CCDC124: variants seen among roughly 807,000 people sequenced by gnomAD.
The protein encoded by CCDC124 is coiled-coil domain containing 124.
Under a neutral mutation model 19.8 loss-of-function variants are expected in CCDC124, and 9 were observed. The ratio of observed to expected loss-of-function variants is 0.45; its 90% confidence interval spans 0.27 to 0.79. The LOEUF (loss-of-function observed/expected upper bound fraction) is 0.79. Ranked by LOEUF, CCDC124 falls within the 30% of genes least tolerant of loss-of-function variation. CCDC124 has a pLI of 0.14. For synonymous variants in CCDC124, 126 were observed against 131.3 expected (o/e 0.96, Z 0.27); for missense variants, 285 against 319.0 (o/e 0.89, Z 0.81).
At chr19:17,943,479 G>A in intron 4 of CCDC124, 29 bp from the exon 5 acceptor site, 1 of 1,602,648 alleles carries the variant, frequency 6.2e-7, no homozygotes, top group Non-Finnish European at 8.5e-7. Context: ...CTGCGCCCAA[G>A]GCCCCCTGAC....
At chr19:17,933,889 C>T (rs925741725) in intron 1 of CCDC124, among the ~76,000 whole-genome samples, 1 of 152,220 alleles carries the variant, frequency 6.6e-6, no homozygotes, top group Non-Finnish European at 1.5e-5. Flanking sequence ...ACCTCTTTCC[C>T]CAGCATCGCA....
rs1157636381 is a variant in CCDC124 at position 17,942,242 on chromosome 19, C to T, written c.160-414C>T. On this transcript the variant is annotated intron_variant, in intron 2 of 4. Coordinates refer to ENST00000445755, the MANE Select transcript of CCDC124 (RefSeq NM_001136203.2). This position sits in a 1 kb window ranked among gnomAD's most constrained non-coding sequence, Gnocchi z 4.2. ...TGAACCCCTCCCTGGCCCCCAGAGGCTCCGCATGGCCCAGCCGTCTCCCTC... is the reference window on the plus strand; with the variant it reads ...TGAACCCCTCCCTGGCCCCCAGAGGTTCCGCATGGCCCAGCCGTCTCCCTC... Among the ~76,000 whole-genome samples the T allele has an allele frequency of 6.6e-6, 1 of 151,926 alleles. No homozygotes were observed. Among genetic ancestry groups the T allele is most frequent in the Non-Finnish European group, 1.5e-5 (1 of 67,946 alleles).
intron 1 of CCDC124, among the ~76,000 whole-genome samples, chr19:17,934,511 C>T (rs1462292213): frequency 3.3e-5 from 5 of 151,856 alleles, no homozygotes; most frequent in Non-Finnish European, 4.4e-5. Context: ...AAGGGCCAGG[C>T]GCAGTGGCTC....
At chr19:17,936,848 G>A (rs1599962726) in intron 2 of CCDC124, 5 of 329,414 alleles carry the variant, frequency 1.5e-5, no homozygotes, top group South Asian at 4.7e-5. Flanking sequence ...GCGTGGTGGC[G>A]CACACTTACA....
Position 17,943,563 on chromosome 19 carries a change from A to G in CCDC124, c.520A>G (p.Thr174Ala), listed in dbSNP as rs775660804. 1 of 1,612,738 alleles carries G rather than the reference A, an allele frequency of 6.2e-7. No individual in the cohort carries two copies. The highest frequency in any genetic ancestry group is 8.5e-7 in the Non-Finnish European group (1 of 1,179,944). Residue 174 changes from threonine to alanine, a missense_variant, in exon 5 of 5, where the codon ACA (threonine) becomes GCA (alanine). Coordinates refer to ENST00000445755, the MANE Select transcript of CCDC124 (RefSeq NM_001136203.2). ...AGAAAGACGCATGCGGGCAGCCTTC[A>G]CAGCCTTTGAGGAAGCCCAGCTGCC... ...HPERRMRAAF[T>A]AFEEAQLPRL... is the part of the protein sequence containing the mutation.
chr19:17,940,785 T>C (rs1361680680), intron 2 of CCDC124, among the ~76,000 whole-genome samples: 47 of 146,884 alleles, frequency 3.2e-4, no homozygotes. Flanking sequence ...CGGTAACTCA[T>C]TCCTGTAATC....
intron 2 of CCDC124, among the ~76,000 whole-genome samples, chr19:17,937,280 C>T (rs181495978): frequency 1.6e-4 from 24 of 152,212 alleles, no homozygotes; most frequent in African/African-American, 4.3e-4. Context: ...GACACTGTCT[C>T]GGAAAACAAA....
Position 17,942,188 on chromosome 19 carries a change from AGGCCTCCCAC to A in CCDC124, c.160-464_160-455del, listed in dbSNP as rs947433062. ...CCCTGCCCTAGCCTGAAACGGGTCC[AGGCCTCCCAC>A]GGCTCTTAGAATCCAACATGAACCC... On this transcript the variant is annotated intron_variant, in intron 2 of 4. Transcript: ENST00000445755. This position sits in a 1 kb window ranked among gnomAD's most constrained non-coding sequence, Gnocchi z 4.2. Among the ~76,000 whole-genome samples the A allele has an allele frequency of 1.3e-5, 2 of 152,154 alleles. No individual in the cohort carries two copies. Among genetic ancestry groups the A allele is most frequent in the African/African-American group, 4.8e-5 (2 of 41,420 alleles).
rs1180209893 is a variant in CCDC124 at position 17,942,536 on chromosome 19, C to T, written c.160-120C>T. 2 of 1,156,754 alleles carry T rather than the reference C, an allele frequency of 1.7e-6. No homozygotes were observed. The highest frequency in any genetic ancestry group is 5.1e-5 in the East Asian group (2 of 39,068). 71.7% of individuals were successfully genotyped at this position (1,156,754 alleles called of 1,614,324 possible). On this transcript the variant is annotated intron_variant, in intron 2 of 4. Transcript: ENST00000445755. This position sits in a 1 kb window ranked among gnomAD's most constrained non-coding sequence, Gnocchi z 4.2. ...GGGACCTATCTTGTTCCTGGTATGT[C>T]CCCTGCACCCAGCACAGAGCCTAAA... is the stretch of plus-strand genomic sequence containing the variant.
intron 2 of CCDC124, among the ~76,000 whole-genome samples, chr19:17,940,538 A>T (rs375568156): frequency 3.3e-5 from 5 of 152,052 alleles, no homozygotes; most frequent in East Asian, 3.9e-4. Flanking sequence ...AGGTCAAGGC[A>T]GGTGGATTAC....
chr19:17,943,180 T>C (rs2031225928), intron 3 of CCDC124, 81 bp from the exon 4 acceptor site: 2 of 1,178,292 alleles, frequency 1.7e-6, no homozygotes, highest in African/African-American at 1.5e-5. Flanking sequence ...TAGCTTCTCT[T>C]GCCAGTCTCT....
intron 2 of CCDC124, among the ~76,000 whole-genome samples, chr19:17,939,211 A>G (rs2031122773): frequency 6.6e-6 from 1 of 152,068 alleles, no homozygotes; most frequent in Non-Finnish European, 1.5e-5. Context: ...CCTGGCCAAC[A>G]TGGTGAAACC....
intron 2 of CCDC124, among the ~76,000 whole-genome samples, chr19:17,941,831 C>T (rs2031189212): frequency 6.6e-6 from 1 of 152,094 alleles, no homozygotes; most frequent in African/African-American, 2.4e-5. Flanking sequence ...TGGGGATCGT[C>T]CCTGGGAAGG....
intron 2 of CCDC124, among the ~76,000 whole-genome samples, chr19:17,937,654 G>A (rs2031094043): frequency 6.6e-6 from 1 of 152,100 alleles, no homozygotes; most frequent in Non-Finnish European, 1.5e-5. Flanking sequence ...CAGCAGTGCT[G>A]AGGCTGAGAA....
chr19:17,942,806 C>G lies in CCDC124; in HGVS notation c.310C>G (p.Leu104Val). 1 of 1,539,234 alleles carries G rather than the reference C, an allele frequency of 6.5e-7. No homozygotes were observed. Among genetic ancestry groups the G allele is most frequent in the South Asian group, 1.2e-5 (1 of 82,622 alleles). ...CACCCGGGCCCAGATCGAGGACACG[C>G]TGCGCCGAGACCATCAGCTCAGGGA... is the stretch of plus-strand genomic sequence containing the variant. ...KVTRAQIEDT[L>V]RRDHQLREAP... The change falls in exon 3 of 5, where the codon CTG becomes GTG. Residue 104 changes from leucine to valine, a missense_variant. Transcript: ENST00000445755. This position sits in a 1 kb window ranked among gnomAD's most constrained non-coding sequence, Gnocchi z 4.2.
chr19:17,943,241 T>TCGGGGGGGCCCCCCCCCCCC lies in CCDC124; in HGVS notation c.350-19_350-18insGGGGGGGCCCCCCCCCCCCC. On this transcript the variant is annotated intron_variant, in intron 3 of 4. Transcript: ENST00000445755. ...CTTTGCTTATCTCTCTCTGTCTCTG[T>TCGGGGGGGCCCCCCCCCCCC]CACCCACCCACCCGCCCAGCCGAGA... is the stretch of plus-strand genomic sequence containing the variant. The TCGGGGGGGCCCCCCCCCCCC allele has an allele frequency of 1.4e-6, 1 of 736,678 alleles. No individual in the cohort carries two copies. Among genetic ancestry groups the TCGGGGGGGCCCCCCCCCCCC allele is most frequent in the Non-Finnish European group, 2.4e-6 (1 of 414,970 alleles). 45.6% of individuals were successfully genotyped at this position (736,678 alleles called of 1,614,324 possible).
intron 2 of CCDC124, among the ~76,000 whole-genome samples, chr19:17,941,015 C>T (rs183953326): frequency 2.0e-5 from 3 of 152,124 alleles, no homozygotes; most frequent in African/African-American, 7.2e-5. Flanking sequence ...CCACTGCACT[C>T]CATCCTGGGC....
intron 2 of CCDC124, among the ~76,000 whole-genome samples, chr19:17,940,563 G>A (rs950617825): frequency 3.3e-5 from 5 of 151,854 alleles, no homozygotes; most frequent in Non-Finnish European, 5.9e-5. Context: ...TCAGGCGTTC[G>A]AGACCAGCCT....
chr19:17,943,803 A>C lies in CCDC124; in HGVS notation c.*88A>C. ...AGGCCAGGTCAGCTGCGAGGGTCAC[A>C]GAGCGTTCCGGGGGCCAAGGCGCCG... On this transcript the variant is annotated 3_prime_UTR_variant, in exon 5 of 5. Transcript: ENST00000445755. 7.3e-7 allele frequency: 1 copy of C among 1,369,000 alleles called. No individual in the cohort carries two copies. The highest frequency in any genetic ancestry group is 1.0e-6 in the Non-Finnish European group (1 of 987,792). 84.8% of individuals were successfully genotyped at this position (1,369,000 alleles called of 1,614,324 possible).
Sources: gnomAD v4.1 joint callset for allele counts (sites outside exome capture counted in the v4.1 genomes callset) on GRCh38, gnomAD v4.1.1 for gene constraint, Gnocchi (gnomAD v3.1) non-coding constraint, MANE v1.5 for transcripts, NCBI Gene and HGNC (gene_info 2026-07-23, HGNC 2026-07-21) for gene names.